The following EDN1 variants were observed in gnomAD, a reference collection of about 807,000 sequenced individuals.
The protein encoded by EDN1 is endothelin 1, also known as endothelin-1.
Under a neutral mutation model 21.7 loss-of-function variants are expected in EDN1, and 11 were observed. The observed-to-expected ratio is 0.51, with a 90% CI of 0.32 to 0.84. The LOEUF (loss-of-function observed/expected upper bound fraction) is 0.84. Among genes scored for constraint, EDN1 ranks in the 40% least tolerant of loss-of-function variants. EDN1 has a pLI of 0.03. For missense variants in EDN1, 244 were observed against 262.3 expected (o/e 0.93, Z 0.48); for synonymous variants, 85 against 90.6 (o/e 0.94, Z 0.35).
chr6:12,236,113 A>C, the EDN1 span, among the ~76,000 whole-genome samples: 1 of 152,186 alleles, frequency 6.6e-6, no homozygotes, highest in African/African-American at 2.4e-5. Context: ...ATTTCAACTG[A>C]ATAGTTGAAA....
the EDN1 span, among the ~76,000 whole-genome samples, chr6:12,237,766 A>T: frequency 2.0e-5 from 3 of 152,324 alleles, no homozygotes; most frequent in South Asian, 6.2e-4. Flanking sequence ...GGTGCAGAGA[A>T]TTGTCTCTAC....
At chr6:12,245,696 A>G in the EDN1 span, among the ~76,000 whole-genome samples, 3 of 152,220 alleles carry the variant, frequency 2.0e-5, no homozygotes, top group Non-Finnish European at 4.4e-5. Context: ...GAAAGAACAA[A>G]TGCATTTTTC....
At chr6:12,272,452 CTTTTTT>C in the EDN1 span, among the ~76,000 whole-genome samples, 45 of 106,808 alleles carry the variant, frequency 4.2e-4, no homozygotes, top group African/African-American at 1.6e-3. Flanking sequence ...GAGTCATACT[CTTTTTT>C]TTTTTTTTTT....
the EDN1 span, among the ~76,000 whole-genome samples, chr6:12,237,383 G>A: frequency 5.3e-5 from 8 of 152,256 alleles, no homozygotes; most frequent in South Asian, 2.1e-4. Context: ...TTTTCAGGTC[G>A]GAGATAGTCC....
At chr6:12,256,384 C>A in the EDN1 span, among the ~76,000 whole-genome samples, 1 of 151,758 alleles carries the variant, frequency 6.6e-6, no homozygotes, top group Non-Finnish European at 1.5e-5. Flanking sequence ...AACAAAAGAC[C>A]CCCCGCCCCC....
At chr6:12,279,226 G>C in the EDN1 span, among the ~76,000 whole-genome samples, 3 of 152,150 alleles carry the variant, frequency 2.0e-5, no homozygotes, top group Non-Finnish European at 4.4e-5. Flanking sequence ...TTATTTACTA[G>C]TGTAAATCCT....
chr6:12,280,402 A>T, the EDN1 span, among the ~76,000 whole-genome samples: 9 of 152,336 alleles, frequency 5.9e-5, no homozygotes, highest in East Asian at 1.7e-3. Context: ...TAATAACTTT[A>T]TACCCCACAA....
the EDN1 span, among the ~76,000 whole-genome samples, chr6:12,263,130 T>G: frequency 6.6e-6 from 1 of 152,194 alleles, no homozygotes; most frequent in Non-Finnish European, 1.5e-5. Flanking sequence ...TTGGCCCAAA[T>G]TTTGAGAAAT....
In EDN1 at chr6:12,290,517, G is replaced by A; in HGVS notation, c.-113G>A. Reference sequence around the variant, plus strand: ...CGTTAAAAGGGCACTTGGGCTGAAGGATCGCTTTGAGATCTGAGGAACCCG... The same window carrying A: ...CGTTAAAAGGGCACTTGGGCTGAAGAATCGCTTTGAGATCTGAGGAACCCG... On this transcript the variant is annotated 5_prime_UTR_variant, in exon 1 of 5. Coordinates refer to ENST00000379375, the MANE Select transcript of EDN1 (RefSeq NM_001955.5). 1 of 862,876 alleles carries A rather than the reference G, an allele frequency of 1.2e-6. No individual in the cohort carries two copies. 53.5% of individuals were successfully genotyped at this position (862,876 alleles called of 1,614,324 possible). A position where few individuals can be genotyped will look rare whatever the true frequency, so the allele number is the denominator to read the frequency against.
the EDN1 span, among the ~76,000 whole-genome samples, chr6:12,262,551 T>C: frequency 1.3e-5 from 2 of 152,082 alleles, no homozygotes; most frequent in African/African-American, 4.8e-5. Flanking sequence ...GAAATAAAAA[T>C]GATTTATGGT....
chr6:12,272,835 C>T, the EDN1 span, among the ~76,000 whole-genome samples: 1 of 152,154 alleles, frequency 6.6e-6, no homozygotes, highest in African/African-American at 2.4e-5. Context: ...GGAGAAGATA[C>T]TCCAAAAACT....
the EDN1 span, among the ~76,000 whole-genome samples, chr6:12,266,241 CTAA>C: frequency 1.3e-5 from 2 of 152,154 alleles, no homozygotes; most frequent in South Asian, 4.2e-4. Context: ...GAAAGAGGAG[CTAA>C]TAATGATTGA....
the EDN1 span, among the ~76,000 whole-genome samples, chr6:12,270,576 A>G: frequency 2.6e-5 from 4 of 151,952 alleles, no homozygotes; most frequent in African/African-American, 4.8e-5. Flanking sequence ...ATATATTTGT[A>G]TGTTTTCCAA....
the EDN1 span, among the ~76,000 whole-genome samples, chr6:12,269,888 A>C: frequency 6.6e-6 from 1 of 152,006 alleles, no homozygotes; most frequent in East Asian, 1.9e-4. Context: ...ATTGATGTTC[A>C]TTTAAAAAAA....
the EDN1 span, among the ~76,000 whole-genome samples, chr6:12,271,529 T>G: frequency 1.3e-5 from 2 of 152,228 alleles, no homozygotes; most frequent in Non-Finnish European, 2.9e-5. Context: ...GTGTGTTCCC[T>G]AACAACTTAT....
the EDN1 span, among the ~76,000 whole-genome samples, chr6:12,269,281 A>T: frequency 1.6e-3 from 248 of 152,188 alleles, no homozygotes; most frequent in African/African-American, 5.5e-3. Context: ...TTGCAGACAG[A>T]CACAGTTTGA....
the EDN1 span, among the ~76,000 whole-genome samples, chr6:12,234,431 A>C: frequency 1.3e-5 from 2 of 152,240 alleles, no homozygotes; most frequent in African/African-American, 4.8e-5. Context: ...TATGTATAGT[A>C]AGTAGCCAAC....
At chr6:12,231,625 G>A in the EDN1 span, among the ~76,000 whole-genome samples, 1 of 152,168 alleles carries the variant, frequency 6.6e-6, no homozygotes, top group South Asian at 2.1e-4. Flanking sequence ...ACACATGGTT[G>A]TCTGCAGAGT....
At chr6:12,273,480 C>G in the EDN1 span, among the ~76,000 whole-genome samples, 1 of 151,434 alleles carries the variant, frequency 6.6e-6, no homozygotes, top group Non-Finnish European at 1.5e-5. Flanking sequence ...GGATGATTTA[C>G]ATATATTCAA....
Sources: gnomAD v4.1 joint callset for allele counts (sites outside exome capture counted in the v4.1 genomes callset) on GRCh38, gnomAD v4.1.1 for gene constraint, MANE v1.5 for transcripts, NCBI Gene and HGNC (gene_info 2026-07-23, HGNC 2026-07-21) for gene names.